The following KCNQ1OT1 variants were observed in gnomAD, a reference collection of about 807,000 sequenced individuals.
The protein encoded by KCNQ1OT1 is KCNQ1 opposite strand/antisense transcript 1, also known as KCNQ1 antisense RNA 2 (non-protein coding).
Position 2,647,165 on chromosome 11 carries a change from CTTTT to C in KCNQ1OT1, n.52826_52829del, listed in dbSNP as rs141799528. On this transcript the variant is annotated non_coding_transcript_exon_variant, in exon 1 of 1. Coordinates refer to ENST00000597346, the Ensembl canonical transcript of KCNQ1OT1. The surrounding 1 kb of genome is among the most constrained non-coding windows in gnomAD (Gnocchi z 4.0). ...TTCCTTCTAGACATTATGTGATGAGCTTTTTTTTTTATCATGAAGAGATTTTGAA... is the reference window on the plus strand; with the variant it reads ...TTCCTTCTAGACATTATGTGATGAGCTTTTTTATCATGAAGAGATTTTGAA... 1.8e-5 allele frequency: 7 copies of C among 380,128 alleles called. No individual in the cohort carries two copies. The highest frequency in any genetic ancestry group is 1.1e-4 in the African/African-American group (5 of 47,306). 23.5% of individuals were successfully genotyped at this position (380,128 alleles called of 1,614,324 possible). A position where few individuals can be genotyped will look rare whatever the true frequency, so the allele number is the denominator to read the frequency against.
Position 2,620,199 on chromosome 11 carries a change from G to GTATATATATA in KCNQ1OT1, n.79786_79795dup, listed in dbSNP as rs140322945. ...CTGCAAAGGACGTAAGTTCATTCAT[G>GTATATATATA]TATATATATATATTTTTTTTTTTTA... On this transcript the variant is annotated non_coding_transcript_exon_variant, in exon 1 of 1. Transcript: ENST00000597346. The surrounding 1 kb of genome is among the most constrained non-coding windows in gnomAD (Gnocchi z 4.5). The GTATATATATA allele has an allele frequency of 8.5e-5, 25 of 295,270 alleles. No homozygotes were observed. Among genetic ancestry groups the GTATATATATA allele is most frequent in the Non-Finnish European group, 1.3e-4 (23 of 178,544 alleles). 18.3% of individuals were successfully genotyped at this position (295,270 alleles called of 1,614,324 possible). A position where few individuals can be genotyped will look rare whatever the true frequency, so the allele number is the denominator to read the frequency against.
At position 2,654,104 on chromosome 11, in the gene KCNQ1OT1, G is replaced by C; in HGVS notation, n.45891C>G. The C allele has an allele frequency of 2.5e-6, 1 of 398,794 alleles. No individual in the cohort carries two copies. 24.7% of individuals were successfully genotyped at this position (398,794 alleles called of 1,614,324 possible). Reference sequence around the variant, plus strand: ...CATGTCCCTTACTTCTCGCCTCTGAGTGGAGACACAGGTGGTGGCGGGGCC... The same window carrying C: ...CATGTCCCTTACTTCTCGCCTCTGACTGGAGACACAGGTGGTGGCGGGGCC... On this transcript the variant is annotated non_coding_transcript_exon_variant, in exon 1 of 1. Coordinates refer to ENST00000597346, the Ensembl canonical transcript of KCNQ1OT1. This position sits in a 1 kb window ranked among gnomAD's most constrained non-coding sequence, Gnocchi z 6.4.
At chr11:2,632,978 TTTG>T (rs1323313986) in exon 1 of KCNQ1OT1, 1 of 398,392 alleles carries the variant, frequency 2.5e-6, no homozygotes, top group East Asian at 3.6e-5. Flanking sequence ...TTTTAGTTTT[TTTG>T]ACAAAACACC....
In KCNQ1OT1 at chr11:2,686,617, G is replaced by A. The variant is rs567662244; in HGVS notation, n.13378C>T. The A allele has an allele frequency of 1.8e-5, 7 of 398,672 alleles. No homozygotes were observed. The South Asian group carries it at 3.8e-4, about 22-fold the overall frequency. 24.7% of individuals were successfully genotyped at this position (398,672 alleles called of 1,614,324 possible). A position where few individuals can be genotyped will look rare whatever the true frequency, so the allele number is the denominator to read the frequency against. ...GGCTACTAGCACTTTTCACATGAGC[G>A]TGGCTGCCCTCAGGCCCAGGCTGCA... On this transcript the variant is annotated non_coding_transcript_exon_variant, in exon 1 of 1. Coordinates refer to ENST00000597346, the Ensembl canonical transcript of KCNQ1OT1.
chr11:2,655,847 G>T, exon 1 of KCNQ1OT1: 1 of 398,630 alleles, frequency 2.5e-6, no homozygotes, highest in South Asian at 1.3e-4. Flanking sequence ...CTCTCCTCTT[G>T]AATTGGAAAA....
rs1456302857 is a variant in KCNQ1OT1, at chr11:2,669,099, C to T, written n.30896G>A. 8 of 398,618 alleles carry T rather than the reference C, an allele frequency of 2.0e-5. No individual in the cohort carries two copies. Among genetic ancestry groups the T allele is most frequent in the African/African-American group, 1.6e-4 (8 of 48,632 alleles). 24.7% of individuals were successfully genotyped at this position (398,618 alleles called of 1,614,324 possible). On this transcript the variant is annotated non_coding_transcript_exon_variant, in exon 1 of 1. Transcript: ENST00000597346. This position sits in a 1 kb window ranked among gnomAD's most constrained non-coding sequence, Gnocchi z 5.6. ...CGTATCAGTGTCTTTACAATCAGCT[C>T]ACTGGCTACGTGTGGCTCTGTTTCT... is the stretch of plus-strand genomic sequence containing the variant.
At chr11:2,689,947 C>T (rs1418356709) in exon 1 of KCNQ1OT1, 1 of 398,828 alleles carries the variant, frequency 2.5e-6, no homozygotes, top group Non-Finnish European at 4.4e-6. Context: ...CCAACGATGA[C>T]AGTGACTAGC....
chr11:2,619,852 G>GT lies in KCNQ1OT1; in HGVS notation n.80142dup, dbSNP rs142504844. The GT allele has an allele frequency of 7.4e-4, 295 of 398,322 alleles. 2 individuals carry two copies. Among genetic ancestry groups the GT allele is most frequent in the African/African-American group, 5.6e-3 (271 of 48,624 alleles). 24.7% of individuals were successfully genotyped at this position (398,322 alleles called of 1,614,324 possible). Reference sequence around the variant, plus strand: ...GCTTTTCTTTGTTTGAGGTTTTGGGGTTTTTTTAACTTTTATTTTTGATTT... The same window carrying GT: ...GCTTTTCTTTGTTTGAGGTTTTGGGGTTTTTTTTAACTTTTATTTTTGATTT... On this transcript the variant is annotated non_coding_transcript_exon_variant, in exon 1 of 1. Coordinates refer to ENST00000597346, the Ensembl canonical transcript of KCNQ1OT1.
In KCNQ1OT1 at chr11:2,690,347, A is replaced by G; in HGVS notation, n.9648T>C. ...GATGTCAAGTCTGAGGCTGCCCTGC[A>G]GCTGCTGTTTCCACTACTTGGCATG... On this transcript the variant is annotated non_coding_transcript_exon_variant, in exon 1 of 1. Coordinates refer to ENST00000597346, the Ensembl canonical transcript of KCNQ1OT1. This position sits in a 1 kb window ranked among gnomAD's most constrained non-coding sequence, Gnocchi z 5.1. 1 of 398,726 alleles carries G rather than the reference A, an allele frequency of 2.5e-6. No homozygotes were observed. 24.7% of individuals were successfully genotyped at this position (398,726 alleles called of 1,614,324 possible). A position where few individuals can be genotyped will look rare whatever the true frequency, so the allele number is the denominator to read the frequency against.
Position 2,673,572 on chromosome 11 carries a change from A to C in KCNQ1OT1, n.26423T>G. 2.5e-6 allele frequency: 1 copy of C among 398,686 alleles called. No individual in the cohort carries two copies. Among genetic ancestry groups the C allele is most frequent in the Non-Finnish European group, 4.4e-6 (1 of 226,116 alleles). 24.7% of individuals were successfully genotyped at this position (398,686 alleles called of 1,614,324 possible). Reference sequence around the variant, plus strand: ...CCCTCCCTGGCCATGCAGGTGGAAGACCCTATTACTTGGGCTAAAGAGAAG... The same window carrying C: ...CCCTCCCTGGCCATGCAGGTGGAAGCCCCTATTACTTGGGCTAAAGAGAAG... On this transcript the variant is annotated non_coding_transcript_exon_variant, in exon 1 of 1. Transcript: ENST00000597346. The surrounding 1 kb of genome is among the most constrained non-coding windows in gnomAD (Gnocchi z 4.5).
rs1413510087 is a variant in KCNQ1OT1, at chr11:2,611,442, C to T, written n.88553G>A. 2.5e-6 allele frequency: 1 copy of T among 397,650 alleles called. No homozygotes were observed. The highest frequency in any genetic ancestry group is 4.4e-5 in the Admixed American group (1 of 22,712). 24.6% of individuals were successfully genotyped at this position (397,650 alleles called of 1,614,324 possible). On this transcript the variant is annotated non_coding_transcript_exon_variant, in exon 1 of 1. Transcript: ENST00000597346. This position sits in a 1 kb window ranked among gnomAD's most constrained non-coding sequence, Gnocchi z 5.3. ...GACCAGGCTGGTCTTGAACTCCTGA[C>T]CTCGAGTGATCTGTCTGCCTCAGCC... is the stretch of plus-strand genomic sequence containing the variant.
At chr11:2,665,295 G>T in exon 1 of KCNQ1OT1, 1 of 398,306 alleles carries the variant, frequency 2.5e-6, no homozygotes, top group South Asian at 1.3e-4. Flanking sequence ...AGAACCATAT[G>T]ACAGGGCTTC....
chr11:2,620,335 G>C lies in KCNQ1OT1; in HGVS notation n.79660C>G, dbSNP rs544895069. 5 of 201,932 alleles carry C rather than the reference G, an allele frequency of 2.5e-5. No individual in the cohort carries two copies. In the South Asian group the frequency reaches 9.5e-4, roughly 38 times the overall value. 12.5% of individuals were successfully genotyped at this position (201,932 alleles called of 1,614,324 possible). A position where few individuals can be genotyped will look rare whatever the true frequency, so the allele number is the denominator to read the frequency against. On this transcript the variant is annotated non_coding_transcript_exon_variant, in exon 1 of 1. Transcript: ENST00000597346. This position sits in a 1 kb window ranked among gnomAD's most constrained non-coding sequence, Gnocchi z 4.5. Reference sequence around the variant, plus strand: ...GGGTTCAAGTGATTCTCCTGCCTCAGCCTCCTGAGTAGCTGGGATTAGAGG... The same window carrying C: ...GGGTTCAAGTGATTCTCCTGCCTCACCCTCCTGAGTAGCTGGGATTAGAGG...
Position 2,687,522 on chromosome 11 carries a change from G to C in KCNQ1OT1, n.12473C>G, listed in dbSNP as rs1335167604. ...CTAGGACTTGAGACCAGCCTCCTCT[G>C]TATGGTCCCTTCCCTGGTGCACCTA... On this transcript the variant is annotated non_coding_transcript_exon_variant, in exon 1 of 1. Coordinates refer to ENST00000597346, the Ensembl canonical transcript of KCNQ1OT1. This position sits in a 1 kb window ranked among gnomAD's most constrained non-coding sequence, Gnocchi z 5.0. The C allele has an allele frequency of 7.5e-6, 3 of 398,718 alleles. No individual in the cohort carries two copies. The highest frequency in any genetic ancestry group is 1.3e-5 in the Non-Finnish European group (3 of 226,160). The allele number at this position is 398,718 out of a possible 1,614,324, so 24.7% of individuals were successfully genotyped here.
exon 1 of KCNQ1OT1, chr11:2,629,545 G>A (rs1056389697): frequency 5.0e-6 from 2 of 398,324 alleles, no homozygotes; most frequent in African/African-American, 2.1e-5. Context: ...ATTCTCTCAC[G>A]TGAGGATATC....
chr11:2,638,364 G>T (rs1175982732), exon 1 of KCNQ1OT1: 14 of 152,148 alleles, frequency 9.2e-5, no homozygotes, highest in Admixed American at 9.2e-4. Context: ...TTGTAGGGCA[G>T]GCCTGGTGGT....
In KCNQ1OT1 at chr11:2,674,719, G is replaced by C. The variant is rs1036214106; in HGVS notation, n.25276C>G. 5 of 396,706 alleles carry C rather than the reference G, an allele frequency of 1.3e-5. No individual in the cohort carries two copies. The highest frequency in any genetic ancestry group is 8.9e-5 in the Admixed American group (2 of 22,396). 24.6% of individuals were successfully genotyped at this position (396,706 alleles called of 1,614,324 possible). A position where few individuals can be genotyped will look rare whatever the true frequency, so the allele number is the denominator to read the frequency against. On this transcript the variant is annotated non_coding_transcript_exon_variant, in exon 1 of 1. Coordinates refer to ENST00000597346, the Ensembl canonical transcript of KCNQ1OT1. This position sits in a 1 kb window ranked among gnomAD's most constrained non-coding sequence, Gnocchi z 5.9. ...CCTTTCCTGATGACTCCTTCCTTCT[G>C]AACTTAACTCGTTAAAGTTGCTCCA...
exon 1 of KCNQ1OT1, chr11:2,630,839 G>T (rs1024742207): frequency 7.8e-5 from 31 of 398,340 alleles, no homozygotes; most frequent in African/African-American, 6.4e-4. Context: ...CTGAAGGACA[G>T]CTTTGCTGTG....
exon 1 of KCNQ1OT1, chr11:2,638,408 G>T (rs1264664010): frequency 6.6e-6 from 1 of 152,134 alleles, no homozygotes; most frequent in African/African-American, 2.4e-5. Flanking sequence ...TGTCTATAAA[G>T]GATTTTATTT....
Sources: gnomAD v4.1 joint callset for allele counts on GRCh38, gnomAD v4.1.1 for gene constraint, Gnocchi (gnomAD v3.1) non-coding constraint, MANE v1.5 for transcripts, NCBI Gene and HGNC (gene_info 2026-07-23, HGNC 2026-07-21) for gene names.